The following TAF1 variants were observed in gnomAD, a reference collection of about 807,000 sequenced individuals.
TAF1 encodes TATA-box binding protein associated factor 1, also known as transcription initiation factor TFIID subunit 1.
A neutral mutation model predicts 138.5 loss-of-function variants in TAF1; 2 were observed. The ratio of observed to expected loss-of-function variants is 0.01; its 90% CI spans 0.01 to 0.05. The LOEUF (loss-of-function observed/expected upper bound fraction) is 0.05, where lower values mean the gene tolerates loss of function less well. TAF1 is among the 10% of genes least tolerant of loss of function. The pLI, the probability that TAF1 is intolerant of heterozygous loss-of-function variation, is 1.00. For synonymous variants in TAF1, 437 were observed against 503.2 expected, an observed-to-expected ratio of 0.87 and a Z score of 1.76; for missense variants, 709 against 1,478.0, an observed-to-expected ratio of 0.48 and a Z score of 8.53.
At position 71,378,413 on chromosome X, in the gene TAF1, A is replaced by G; in HGVS notation, c.1112A>G (p.Lys371Arg). The G allele has an allele frequency of 8.2e-7, 1 of 1,212,269 alleles. No homozygotes were observed. The highest frequency in any genetic ancestry group is 1.1e-6 in the Non-Finnish European group (1 of 895,658). Residue 371 changes from lysine (K) to arginine (R), a missense_variant, in exon 7 of 38, where the codon AAG becomes AGG. By Grantham distance (26) the Lys-to-Arg change is conservative. Around this residue, in one of 14 missense-constraint regions of TAF1, gnomAD observed 201 missense variants for 421.3 expected, o/e 0.48. Coordinates refer to ENST00000423759, the MANE Select transcript of TAF1 (RefSeq NM_004606.5). ...SGFDYGFKLR[K>R]TEHEPVIKSR... ...TTTGACTATGGCTTCAAACTGAGAA[A>G]GACAGAACATGAACCTGTGATAAAA...
intron 13 of TAF1, among the ~76,000 whole-genome samples, chrX:71,520,183 G>T: frequency 9.7e-6 from 1 of 102,961 alleles, no homozygotes; most frequent in East Asian, 3.1e-4. Flanking sequence ...TCGCTCTGTT[G>T]CCCAGGCTGG....
intron 34 of TAF1, among the ~76,000 whole-genome samples, chrX:71,457,410 C>A (rs1015355296): frequency 8.9e-6 from 1 of 112,504 alleles, no homozygotes; most frequent in African/African-American, 3.2e-5. Flanking sequence ...TTTATAGACA[C>A]ACTTTTAAAA....
At chrX:71,441,961 T>G (rs1319546202) in intron 32 of TAF1, among the ~76,000 whole-genome samples, 1 of 110,266 alleles carries the variant, frequency 9.1e-6, no homozygotes, top group African/African-American at 3.3e-5. Flanking sequence ...AATGATGGTT[T>G]CCAGCTTCAT....
chrX:71,387,009 A>C, intron 14 of TAF1: 1 of 357,205 alleles, frequency 2.8e-6, no homozygotes, highest in Non-Finnish European at 4.9e-6. Flanking sequence ...TAAATCATAG[A>C]GGTAATGGCA....
intron 13 of TAF1, among the ~76,000 whole-genome samples, chrX:71,496,561 CTT>C (rs765169102): frequency 4.5e-5 from 5 of 109,950 alleles, no homozygotes; most frequent in Non-Finnish European, 9.5e-5. Flanking sequence ...CTCTCTCTCT[CTT>C]TGACTGCCTC....
intron 37 of TAF1, among the ~76,000 whole-genome samples, chrX:71,461,233 A>G (rs751419533): frequency 1.8e-5 from 2 of 111,483 alleles, no homozygotes; most frequent in Non-Finnish European, 3.8e-5. Flanking sequence ...CAATGTGTTC[A>G]AAGACACAGA....
chrX:71,526,248 GATA>G (rs761683591), intron 13 of TAF1, among the ~76,000 whole-genome samples: 2 of 111,490 alleles, frequency 1.8e-5, no homozygotes, highest in South Asian at 7.3e-4. Flanking sequence ...TTCTAACCAA[GATA>G]ATGTTTACTA....
chrX:71,494,836 C>T (rs940746534), intron 13 of TAF1, among the ~76,000 whole-genome samples: 2 of 112,098 alleles, frequency 1.8e-5, no homozygotes, highest in African/African-American at 3.2e-5. Context: ...TGGAAGGGGA[C>T]CTGAGCGGGT....
chrX:71,376,830 G>T (rs1345338603), intron 4 of TAF1, 120 bp from the exon 5 acceptor site: 3 of 1,008,918 alleles, frequency 3.0e-6, no homozygotes, highest in Admixed American at 3.2e-5. Context: ...TATGATTTGG[G>T]TGCTTGGGCC....
chrX:71,468,160 G>A (rs1204225236), downstream of TAF1, among the ~76,000 whole-genome samples: 5 of 109,971 alleles, frequency 4.5e-5, no homozygotes, highest in Non-Finnish European at 9.5e-5. Flanking sequence ...AGGAGGCTGA[G>A]GTGGGAGGAT....
chrX:71,458,426 A>AATGGTG, intron 35 of TAF1, 60 bp downstream of exon 35: 9 of 1,165,472 alleles, frequency 7.7e-6, no homozygotes, highest in East Asian at 6.1e-5. Context: ...GGGCTAGGGG[A>AATGGTG]ATGGTGATGG....
chrX:71,398,182 A>G (rs1425561418), intron 23 of TAF1, among the ~76,000 whole-genome samples: 1 of 110,644 alleles, frequency 9.0e-6, no homozygotes, highest in Non-Finnish European at 1.9e-5. Context: ...TACTGAAAGT[A>G]CAAAAATTAG....
chrX:71,432,105 TAAAAAG>T (rs2036920202), intron 32 of TAF1, among the ~76,000 whole-genome samples: 1 of 110,271 alleles, frequency 9.1e-6, no homozygotes, highest in Non-Finnish European at 1.9e-5. Flanking sequence ...AGTGGTAGGA[TAAAAAG>T]CCAGACTGTA....
At chrX:71,462,415 A>C (rs1488585137) in intron 37 of TAF1, among the ~76,000 whole-genome samples, 1 of 110,367 alleles carries the variant, frequency 9.1e-6, no homozygotes, top group Non-Finnish European at 1.9e-5. Context: ...GTCTCTACTA[A>C]AAATACAAAA....
chrX:71,509,891 A>C (rs754050958), intron 13 of TAF1, among the ~76,000 whole-genome samples: 1 of 110,907 alleles, frequency 9.0e-6, no homozygotes, highest in Admixed American at 9.7e-5. Flanking sequence ...AGGCACGAGA[A>C]TCTCTTGAAC....
In TAF1 at chrX:71,459,215, T is replaced by TGAG. The variant is rs1163288309; in HGVS notation, c.5065-328_5065-326dup. On this transcript the variant is annotated intron_variant, in intron 35 of 37. Transcript: ENST00000423759. The stretch of plus-strand genomic sequence containing the variant: ...ATGTAGATATTGAAGGGTATGATGA[T>TGAG]GAGGAGGAGGATGGGAAACCTAAGA... 19 of 1,108,752 alleles carry TGAG rather than the reference T, an allele frequency of 1.7e-5. No homozygotes were observed. The Admixed American group carries it at 3.1e-4, about 18-fold the overall frequency. The allele number at this position is 1,108,752 out of a possible 1,213,427, so 91.4% of individuals were successfully genotyped here. A position where few individuals can be genotyped will look rare whatever the true frequency, so the allele number is the denominator to read the frequency against.
intron 13 of TAF1, among the ~76,000 whole-genome samples, chrX:71,512,014 CAA>C (rs776364300): frequency 2.7e-4 from 21 of 76,983 alleles, no homozygotes; most frequent in Admixed American, 6.1e-4. Flanking sequence ...GACCTTGTCT[CAA>C]AAAAAAAAAA....
chrX:71,431,262 C>T (rs1297876985), intron 32 of TAF1, among the ~76,000 whole-genome samples: 4 of 109,148 alleles, frequency 3.7e-5, no homozygotes, highest in Admixed American at 9.9e-5. Context: ...GGGGTTTCAC[C>T]GTGTTGGCCA....
chrX:71,429,247 C>A (rs2036756051), intron 32 of TAF1, among the ~76,000 whole-genome samples: 2 of 109,825 alleles, frequency 1.8e-5, no homozygotes, highest in South Asian at 7.8e-4. Flanking sequence ...TGCACTCCAG[C>A]CTGGGCGACA....
Sources: allele counts gnomAD v4.1 joint callset (sites outside exome capture counted in the v4.1 genomes callset), GRCh38; gene constraint gnomAD v4.1.1; regional missense constraint gnomAD v4.1.1; transcripts MANE v1.5; gene names NCBI Gene and HGNC (gene_info 2026-07-23, HGNC 2026-07-21).